Variants in EPHB1 observed in about 807,000 individuals in gnomAD.
The protein encoded by EPHB1 is EPH receptor B1.
Under a neutral mutation model 94.4 loss-of-function variants are expected in EPHB1, and 30 were observed. The observed-to-expected ratio is 0.32, with a 90% CI of 0.24 to 0.43. EPHB1 has a LOEUF of 0.43. Among genes scored for constraint, EPHB1 ranks in the 20% least tolerant of loss-of-function variants. EPHB1 has a pLI of 1.00. For synonymous variants in EPHB1, 522 were observed against 489.1 expected, an observed-to-expected ratio of 1.07 and a Z score of -0.89; for missense variants, 1,055 against 1,308.3, an observed-to-expected ratio of 0.81 and a Z score of 2.99.
At chr3:134,976,125 CCA>C (rs1455146842) in intron 3 of EPHB1, among the ~76,000 whole-genome samples, 2 of 152,056 alleles carry the variant, frequency 1.3e-5, no homozygotes, top group African/African-American at 2.4e-5. Flanking sequence ...CAGGTCAGAT[CCA>C]CACACACACC....
intron 6 of EPHB1, among the ~76,000 whole-genome samples, chr3:135,155,543 C>A (rs572728182): frequency 1.1e-3 from 162 of 152,172 alleles, no homozygotes; most frequent in Non-Finnish European, 1.7e-3. Flanking sequence ...GTGGCTCACA[C>A]CTGCAATCCT....
intron 15 of EPHB1, 82 bp downstream of exon 15, chr3:135,249,573 A>G: frequency 6.7e-7 from 1 of 1,485,218 alleles, no homozygotes; most frequent in Non-Finnish European, 9.1e-7. Context: ...TGTGAGTCCT[A>G]TTTCTGGCCT....
intron 1 of EPHB1, among the ~76,000 whole-genome samples, chr3:134,820,386 G>A (rs1466889696): frequency 6.6e-6 from 1 of 152,156 alleles, no homozygotes; most frequent in Non-Finnish European, 1.5e-5. Flanking sequence ...TCTACCAGAG[G>A]GCTCAGAAAA....
intron 3 of EPHB1, among the ~76,000 whole-genome samples, chr3:135,079,629 G>A (rs931427471): frequency 5.9e-5 from 9 of 152,072 alleles, no homozygotes; most frequent in African/African-American, 1.4e-4. Flanking sequence ...GAGCTCCCTC[G>A]TGGCAGCTCT....
At chr3:134,976,223 G>T (rs370133599) in intron 3 of EPHB1, among the ~76,000 whole-genome samples, 2 of 152,200 alleles carry the variant, frequency 1.3e-5, no homozygotes, top group African/African-American at 4.8e-5. Context: ...AGCTAGGGAG[G>T]AGCAGGCACA....
At chr3:135,161,942 A>G (rs1941518632) in intron 6 of EPHB1, 76 bp from the exon 7 acceptor site, 27 of 1,464,644 alleles carry the variant, frequency 1.8e-5, no homozygotes, top group Non-Finnish European at 2.5e-5. Flanking sequence ...TGGGGCCTGA[A>G]TACTCCAGGG....
intron 1 of EPHB1, among the ~76,000 whole-genome samples, chr3:134,819,101 T>A (rs112989078): frequency 0.037 from 5,583 of 152,270 alleles, 223 homozygotes; most frequent in African/African-American, 0.095. Flanking sequence ...GGTCTAAACA[T>A]GAGTTATAAG....
At chr3:134,882,818 C>CTTTCTTTTCT (rs1376052232) in intron 1 of EPHB1, among the ~76,000 whole-genome samples, 1 of 114,184 alleles carries the variant, frequency 8.8e-6, no homozygotes, top group Admixed American at 9.7e-5. Context: ...TTCTTTCTTT[C>CTTTCTTTTCT]TTTCTTTTCT....
intron 3 of EPHB1, among the ~76,000 whole-genome samples, chr3:135,052,140 A>C (rs1431104809): frequency 6.6e-6 from 1 of 152,216 alleles, no homozygotes; most frequent in African/African-American, 2.4e-5. Context: ...CCTTGTAGAG[A>C]AAGCTGGTCA....
chr3:135,241,325 C>T (rs1389977816), intron 13 of EPHB1, 28 bp downstream of exon 13: 1 of 1,613,636 alleles, frequency 6.2e-7, no homozygotes. Context: ...TTGGTCACCA[C>T]AAACCCCCAT....
At chr3:135,144,962 G>A (rs1940962197) in intron 5 of EPHB1, among the ~76,000 whole-genome samples, 1 of 152,140 alleles carries the variant, frequency 6.6e-6, no homozygotes, top group Admixed American at 6.6e-5. Flanking sequence ...CCACAATAGA[G>A]GAAAACAATG....
At chr3:135,050,208 A>T (rs1289801104) in intron 3 of EPHB1, among the ~76,000 whole-genome samples, 1 of 152,160 alleles carries the variant, frequency 6.6e-6, no homozygotes, top group Non-Finnish European at 1.5e-5. Flanking sequence ...CTAGGATTAG[A>T]TTACACATGA....
intron 1 of EPHB1, among the ~76,000 whole-genome samples, chr3:134,812,258 C>G (rs1483676884): frequency 1.3e-5 from 2 of 152,290 alleles, no homozygotes; most frequent in East Asian, 3.9e-4. Context: ...ACCCTCATGT[C>G]CCTTCATGGT....
intron 1 of EPHB1, among the ~76,000 whole-genome samples, chr3:134,864,148 T>C (rs1433864375): frequency 1.3e-5 from 2 of 152,208 alleles, no homozygotes; most frequent in Non-Finnish European, 2.9e-5. Flanking sequence ...ATGTTTTATG[T>C]GGCTCCACCA....
At chr3:134,896,087 A>G (rs1196327383) in intron 1 of EPHB1, among the ~76,000 whole-genome samples, 4 of 151,544 alleles carry the variant, frequency 2.6e-5, no homozygotes, top group Non-Finnish European at 5.9e-5. Flanking sequence ...CAATGGGGAG[A>G]TGAAGAAATA....
chr3:135,108,097 C>T (rs1939292942), intron 4 of EPHB1, among the ~76,000 whole-genome samples: 1 of 152,192 alleles, frequency 6.6e-6, no homozygotes, highest in Admixed American at 6.5e-5. Flanking sequence ...CACAGTATTC[C>T]TCCTGAAAAC....
intron 11 of EPHB1, among the ~76,000 whole-genome samples, chr3:135,197,540 TGATTCA>T (rs1433417251): frequency 2.0e-5 from 3 of 152,254 alleles, no homozygotes; most frequent in African/African-American, 4.8e-5. Context: ...AAAAAATCTA[TGATTCA>T]TTTTGTTCAA....
intron 4 of EPHB1, among the ~76,000 whole-genome samples, chr3:135,128,147 T>A (rs529697003): frequency 6.6e-6 from 1 of 152,248 alleles, no homozygotes; most frequent in Non-Finnish European, 1.5e-5. Flanking sequence ...GCCCTGCCAC[T>A]GCATTCACTG....
At chr3:135,058,389 C>A (rs1937403333) in intron 3 of EPHB1, among the ~76,000 whole-genome samples, 1 of 152,188 alleles carries the variant, frequency 6.6e-6, no homozygotes, top group Non-Finnish European at 1.5e-5. Context: ...TACGAATGGG[C>A]CCCTGTACAT....
Sources: gnomAD v4.1 joint callset for allele counts (sites outside exome capture counted in the v4.1 genomes callset) on GRCh38, gnomAD v4.1.1 for gene constraint, MANE v1.5 for transcripts, NCBI Gene and HGNC (gene_info 2026-07-23, HGNC 2026-07-21) for gene names.